MYCN: variants seen among roughly 807,000 people sequenced by gnomAD.
MYCN encodes N-myc proto-oncogene protein.
In MYCN, 3 loss-of-function variants were observed where a neutral mutation model predicts 28.1. That is an observed-to-expected ratio of 0.11 (90% CI 0.05 to 0.28). MYCN has a LOEUF of 0.28. Ranked by LOEUF, MYCN falls within the 10% of genes least tolerant of loss-of-function variation. MYCN has a pLI of 1.00. For missense variants in MYCN, 572 were observed against 651.4 expected (o/e 0.88, Z 1.33); for synonymous variants, 326 against 288.3 (o/e 1.13, Z -1.32).
chr2:15,942,498 C>A lies in MYCN; in HGVS notation c.434C>A (p.Ser145Tyr). The change falls in exon 2 of 3, where the codon TCC becomes TAC. Residue 145 changes from serine to tyrosine, a missense_variant. Ser to Tyr is a moderately radical substitution (Grantham distance 144). This residue lies in a region of MYCN where 499 missense variants were observed against 524.3 expected (regional missense o/e 0.95). Coordinates refer to ENST00000281043, the MANE Select transcript of MYCN (RefSeq NM_005378.6). This position sits in a 1 kb window ranked among gnomAD's most constrained non-coding sequence, Gnocchi z 7.0. ...QHGRGPPTAGSTAQSPGAGAA... is the reference protein window; with the variant it reads ...QHGRGPPTAGYTAQSPGAGAA... ...GGCCGCGGGCCGCCAACCGCCGGTTCCACCGCCCAGTCCCCGGGAGCCGGC... is the reference window on the plus strand; with the variant it reads ...GGCCGCGGGCCGCCAACCGCCGGTTACACCGCCCAGTCCCCGGGAGCCGGC... The A allele has an allele frequency of 6.5e-7, 1 of 1,545,318 alleles. No homozygotes were observed. The highest frequency in any genetic ancestry group is 2.1e-4 in the Middle Eastern group (1 of 4,694).
At position 15,942,458 on chromosome 2, in the gene MYCN, G is replaced by A. The variant is rs775268500; in HGVS notation, c.394G>A (p.Glu132Lys). The change falls in exon 2 of 3, where the codon GAG becomes AAG. Residue 132 changes from glutamate to lysine, a missense_variant. Coordinates refer to ENST00000281043, the MANE Select transcript of MYCN (RefSeq NM_005378.6). The surrounding 1 kb of genome is among the most constrained non-coding windows in gnomAD (Gnocchi z 7.0). ...AREKLERAVS[E>K]KLQHGRGPPT... ...CGAGAAGCTGGAGCGCGCCGTGAGC[G>A]AGAAGCTGCAGCACGGCCGCGGGCC... The A allele has an allele frequency of 2.0e-5, 32 of 1,591,976 alleles. No homozygotes were observed. Among genetic ancestry groups the A allele is most frequent in the Non-Finnish European group, 2.6e-5 (30 of 1,175,890 alleles).
Position 15,942,157 on chromosome 2 carries a change from C to G in MYCN, c.93C>G (p.Asp31Glu), listed in dbSNP as rs1339230115. Residue 31 changes from aspartate to glutamate, a missense_variant, in exon 2 of 3, where the codon GAC becomes GAG. Physicochemically the swap from Asp to Glu is conservative, Grantham distance 45. Around this residue, in one of 3 missense-constraint regions of MYCN, gnomAD observed 499 missense variants for 524.3 expected, o/e 0.95. Coordinates refer to ENST00000281043, the MANE Select transcript of MYCN (RefSeq NM_005378.6). The surrounding 1 kb of genome is among the most constrained non-coding windows in gnomAD (Gnocchi z 7.0). ...FDSLQPCFYP[D>E]EDDFYFGGPD... Reference sequence around the variant, plus strand: ...CGCTACAGCCCTGCTTCTACCCGGACGAAGATGACTTCTACTTCGGCGGCC... The same window carrying G: ...CGCTACAGCCCTGCTTCTACCCGGAGGAAGATGACTTCTACTTCGGCGGCC... The G allele has an allele frequency of 6.2e-7, 1 of 1,613,912 alleles. No individual in the cohort carries two copies. The highest frequency in any genetic ancestry group is 1.3e-5 in the African/African-American group (1 of 75,050).
At position 15,946,571 on chromosome 2, in the gene MYCN, G is replaced by C; in HGVS notation, c.*474G>C. The C allele has an allele frequency of 3.0e-6, 1 of 331,560 alleles. No individual in the cohort carries two copies. Among genetic ancestry groups the C allele is most frequent in the Non-Finnish European group, 5.7e-6 (1 of 176,896 alleles). The allele number at this position is 331,560 out of a possible 1,614,324, so 20.5% of individuals were successfully genotyped here. On this transcript the variant is annotated 3_prime_UTR_variant, in exon 3 of 3. Coordinates refer to ENST00000281043, the MANE Select transcript of MYCN (RefSeq NM_005378.6). The stretch of plus-strand genomic sequence containing the variant: ...GAGGTGGCTTTTGCGGCCAGTATTA[G>C]ACTGGAAGTTCATACCTAAGTACTG...
In MYCN at chr2:15,942,887, TG is replaced by T; in HGVS notation, c.790+37del. The T allele has an allele frequency of 1.3e-6, 2 of 1,562,332 alleles. No homozygotes were observed. The highest frequency in any genetic ancestry group is 8.6e-7 in the Non-Finnish European group (1 of 1,159,284). On this transcript the variant is annotated intron_variant, in intron 2 of 2. Transcript: ENST00000281043. This position sits in a 1 kb window ranked among gnomAD's most constrained non-coding sequence, Gnocchi z 7.0. ...CCGAACTCGGGTCCGGCTGCCTCCC[TG>T]GGGCACTGGACCCCGGGTCGCGTCC...
rs754518779 is a variant in MYCN at position 15,941,254 on chromosome 2, T to A, written c.-118+511T>A. 2 of 152,588 alleles carry A rather than the reference T, an allele frequency of 1.3e-5. No homozygotes were observed. Among genetic ancestry groups the A allele is most frequent in the African/African-American group, 4.8e-5 (2 of 41,484 alleles). The allele number at this position is 152,588 out of a possible 1,614,324, so 9.5% of individuals were successfully genotyped here. ...CGGGAACAGGGGCTCAGCCTCTCCC[T>A]CCCTGGAAGAGGACGTTGTCGTGGG... On this transcript the variant is annotated intron_variant, in intron 1 of 2. Transcript: ENST00000281043. This position sits in a 1 kb window ranked among gnomAD's most constrained non-coding sequence, Gnocchi z 4.8.
Position 15,942,729 on chromosome 2 carries a change from G to A in MYCN, c.665G>A (p.Gly222Glu), listed in dbSNP as rs1470924514. 9.3e-6 allele frequency: 12 copies of A among 1,284,074 alleles called. No individual in the cohort carries two copies. Among genetic ancestry groups the A allele is most frequent in the Admixed American group, 3.6e-5 (1 of 27,890 alleles). 79.5% of individuals were successfully genotyped at this position (1,284,074 alleles called of 1,614,324 possible). A position where few individuals can be genotyped will look rare whatever the true frequency, so the allele number is the denominator to read the frequency against. The change falls in exon 2 of 3, where the codon GGG (glycine) becomes GAG (glutamate). Residue 222 changes from glycine to glutamate, a missense_variant. This residue lies in a region of MYCN where 499 missense variants were observed against 524.3 expected (regional missense o/e 0.95). Coordinates refer to ENST00000281043, the MANE Select transcript of MYCN (RefSeq NM_005378.6). The surrounding 1 kb of genome is among the most constrained non-coding windows in gnomAD (Gnocchi z 7.0). ...APAAGPAVAS[G>E]AGIAAPAGAP... ...GCGGCGGGCCCTGCGGTCGCCTCGG[G>A]GGCGGGTATTGCCGCCCCAGCCGGG...
chr2:15,942,735 G>A lies in MYCN; in HGVS notation c.671G>A (p.Gly224Asp). 2 of 1,328,174 alleles carry A rather than the reference G, an allele frequency of 1.5e-6. No homozygotes were observed. Among genetic ancestry groups the A allele is most frequent in the Non-Finnish European group, 1.9e-6 (2 of 1,038,500 alleles). The allele number at this position is 1,328,174 out of a possible 1,614,324, so 82.3% of individuals were successfully genotyped here. Residue 224 changes from glycine (G) to aspartate (D), a missense_variant, in exon 2 of 3, where the codon GGT becomes GAT. Around this residue, in one of 3 missense-constraint regions of MYCN, gnomAD observed 499 missense variants for 524.3 expected, o/e 0.95. Transcript: ENST00000281043. The surrounding 1 kb of genome is among the most constrained non-coding windows in gnomAD (Gnocchi z 7.0). ...GGCCCTGCGGTCGCCTCGGGGGCGGGTATTGCCGCCCCAGCCGGGGCCCCG... is the reference window on the plus strand; with the variant it reads ...GGCCCTGCGGTCGCCTCGGGGGCGGATATTGCCGCCCCAGCCGGGGCCCCG... Reference protein sequence around the residue: ...AAGPAVASGAGIAAPAGAPGV... With the variant: ...AAGPAVASGADIAAPAGAPGV...
In MYCN at chr2:15,942,761, G is replaced by T; in HGVS notation, c.697G>T (p.Gly233Trp). The T allele has an allele frequency of 7.0e-7, 1 of 1,428,858 alleles. No individual in the cohort carries two copies. The highest frequency in any genetic ancestry group is 9.2e-7 in the Non-Finnish European group (1 of 1,089,876). 88.5% of individuals were successfully genotyped at this position (1,428,858 alleles called of 1,614,324 possible). A position where few individuals can be genotyped will look rare whatever the true frequency, so the allele number is the denominator to read the frequency against. ...TATTGCCGCCCCAGCCGGGGCCCCGGGGGTCGCCCCTCCGCGCCCAGGCGG... is the reference window on the plus strand; with the variant it reads ...TATTGCCGCCCCAGCCGGGGCCCCGTGGGTCGCCCCTCCGCGCCCAGGCGG... ...AGIAAPAGAPGVAPPRPGGRQ... is the reference protein window; with the variant it reads ...AGIAAPAGAPWVAPPRPGGRQ... Residue 233 changes from glycine (G) to tryptophan (W), a missense_variant, in exon 2 of 3, where the codon GGG becomes TGG. Around this residue, in one of 3 missense-constraint regions of MYCN, gnomAD observed 499 missense variants for 524.3 expected, o/e 0.95. Coordinates refer to ENST00000281043, the MANE Select transcript of MYCN (RefSeq NM_005378.6). This position sits in a 1 kb window ranked among gnomAD's most constrained non-coding sequence, Gnocchi z 7.0.
chr2:15,945,978 G>A lies in MYCN; in HGVS notation c.1276G>A (p.Ala426Thr), dbSNP rs750750877. ...KAAKVVILKKATEYVHSLQAE... is the reference protein window; with the variant it reads ...KAAKVVILKKTTEYVHSLQAE... ...CGCCAAGGTGGTCATTTTGAAAAAG[G>A]CCACTGAGTATGTCCACTCCCTCCA... Residue 426 changes from alanine to threonine, a missense_variant, in exon 3 of 3, where the codon GCC becomes ACC. Physicochemically the swap from Ala to Thr is moderately conservative, Grantham distance 58. This residue lies in a region of MYCN where 61 missense variants were observed against 81.6 expected (regional missense o/e 0.75). Coordinates refer to ENST00000281043, the MANE Select transcript of MYCN (RefSeq NM_005378.6). The surrounding 1 kb of genome is among the most constrained non-coding windows in gnomAD (Gnocchi z 4.8). 1.2e-6 allele frequency: 2 copies of A among 1,614,040 alleles called. No homozygotes were observed. The highest frequency in any genetic ancestry group is 1.7e-5 in the Admixed American group (1 of 60,006).
At position 15,941,982 on chromosome 2, in the gene MYCN, C is replaced by T; in HGVS notation, c.-83C>T. ...TCGGCGCCGGCCCCCGCCTTCCGCGCCCCCCACGGGAAGGAAGCACCCCCG... is the reference window on the plus strand; with the variant it reads ...TCGGCGCCGGCCCCCGCCTTCCGCGTCCCCCACGGGAAGGAAGCACCCCCG... On this transcript the variant is annotated 5_prime_UTR_variant, in exon 2 of 3. Coordinates refer to ENST00000281043, the MANE Select transcript of MYCN (RefSeq NM_005378.6). The surrounding 1 kb of genome is among the most constrained non-coding windows in gnomAD (Gnocchi z 4.8). 1 of 1,552,318 alleles carries T rather than the reference C, an allele frequency of 6.4e-7. No homozygotes were observed.
Position 15,946,136 on chromosome 2 carries a change from A to G in MYCN, c.*39A>G, listed in dbSNP as rs1486169668. ...CTGGACAGTCACTGCCACTTTGCACATTTTGATTTTTTTTTTAAACAAACA... is the reference window on the plus strand; with the variant it reads ...CTGGACAGTCACTGCCACTTTGCACGTTTTGATTTTTTTTTTAAACAAACA... On this transcript the variant is annotated 3_prime_UTR_variant, in exon 3 of 3. Transcript: ENST00000281043. 1.2e-6 allele frequency: 2 copies of G among 1,613,572 alleles called. No individual in the cohort carries two copies. Among genetic ancestry groups the G allele is most frequent in the Non-Finnish European group, 1.7e-6 (2 of 1,179,958 alleles).
In MYCN at chr2:15,941,537, C is replaced by T; in HGVS notation, c.-117-411C>T. 5.1e-6 allele frequency: 1 copy of T among 194,964 alleles called. No individual in the cohort carries two copies. The highest frequency in any genetic ancestry group is 9.9e-5 in the East Asian group (1 of 10,100). The allele number at this position is 194,964 out of a possible 1,614,324, so 12.1% of individuals were successfully genotyped here. A position where few individuals can be genotyped will look rare whatever the true frequency, so the allele number is the denominator to read the frequency against. On this transcript the variant is annotated intron_variant, in intron 1 of 2. Transcript: ENST00000281043. The surrounding 1 kb of genome is among the most constrained non-coding windows in gnomAD (Gnocchi z 4.8). ...GTAGAAGGTACTCCAAATACCATTC[C>T]CGGTAGCTGGGTCGGAGAGCCTGGG...
chr2:15,942,589 G>A lies in MYCN; in HGVS notation c.525G>A (p.Leu175=). 9.4e-7 allele frequency: 1 copy of A among 1,069,088 alleles called. No homozygotes were observed. Among genetic ancestry groups the A allele is most frequent in the Non-Finnish European group, 1.1e-6 (1 of 886,294 alleles). 66.2% of individuals were successfully genotyped at this position (1,069,088 alleles called of 1,614,324 possible). A position where few individuals can be genotyped will look rare whatever the true frequency, so the allele number is the denominator to read the frequency against. Residue 175 remains leucine (L), a synonymous_variant, in exon 2 of 3, where the codon CTG becomes CTA. Coordinates refer to ENST00000281043, the MANE Select transcript of MYCN (RefSeq NM_005378.6). The surrounding 1 kb of genome is among the most constrained non-coding windows in gnomAD (Gnocchi z 7.0). ...GAGCCGGCCGCGCCGGGGCCGCCCT[G>A]CCCGCCGAGCTCGCCCACCCGGCCG... The part of the protein sequence containing the change: ...AAGAGRAGAA[L]PAELAHPAAE...
chr2:15,943,200 TGGGGGTTTA>T (rs1021264429), intron 2 of MYCN, among the ~76,000 whole-genome samples: 1 of 151,476 alleles, frequency 6.6e-6, no homozygotes, highest in African/African-American at 2.4e-5. Flanking sequence ...CTAAACCGGG[TGGGGGTTTA>T]GGGGGTTGCT....
rs779206813 is a variant in MYCN at position 15,942,193 on chromosome 2, C to A, written c.129C>A (p.Thr43=). The A allele has an allele frequency of 6.4e-5, 104 of 1,613,714 alleles. 1 individual carries two copies. The East Asian group carries it at 2.0e-3, about 30-fold the overall frequency. ...TCTACTTCGGCGGCCCCGACTCGAC[C>A]CCCCCGGGGGAGGACATCTGGAAGA... ...DDFYFGGPDS[T]PPGEDIWKKF... is the part of the protein sequence containing the mutation. Residue 43 remains threonine, a synonymous_variant, in exon 2 of 3, where the codon ACC becomes ACA. Coordinates refer to ENST00000281043, the MANE Select transcript of MYCN (RefSeq NM_005378.6). This position sits in a 1 kb window ranked among gnomAD's most constrained non-coding sequence, Gnocchi z 7.0.
rs1044109140 is a variant in MYCN at position 15,946,160 on chromosome 2, C to T, written c.*63C>T. On this transcript the variant is annotated 3_prime_UTR_variant, in exon 3 of 3. Coordinates refer to ENST00000281043, the MANE Select transcript of MYCN (RefSeq NM_005378.6). ...CATTTTGATTTTTTTTTTAAACAAA[C>T]ATTGTGTTGACATTAAGAATGTTGG... The T allele has an allele frequency of 6.2e-7, 1 of 1,610,178 alleles. No homozygotes were observed. The highest frequency in any genetic ancestry group is 8.5e-7 in the Non-Finnish European group (1 of 1,177,504).
Position 15,942,642 on chromosome 2 carries a change from TC to T in MYCN, c.582del (p.Val197Ter). 8.7e-7 allele frequency: 1 copy of T among 1,153,598 alleles called. No individual in the cohort carries two copies. Among genetic ancestry groups the T allele is most frequent in the Non-Finnish European group, 1.1e-6 (1 of 935,322 alleles). 71.5% of individuals were successfully genotyped at this position (1,153,598 alleles called of 1,614,324 possible). On this transcript the variant is annotated frameshift_variant, in exon 2 of 3. Transcript: ENST00000281043. LOFTEE classifies it high-confidence loss of function. The surrounding 1 kb of genome is among the most constrained non-coding windows in gnomAD (Gnocchi z 7.0). ...GAGTGCGTGGATCCCGCCGTGGTCTTCCCCTTTCCCGTGAACAAGCGCGAGC... is the reference window on the plus strand; with the variant it reads ...GAGTGCGTGGATCCCGCCGTGGTCTTCCCTTTCCCGTGAACAAGCGCGAGC... The part of the protein sequence containing the change: ...AAECVDPAVV[F>X]PFPVNKREPA...
rs1421384102 is a variant in MYCN at position 15,942,840 on chromosome 2, C to T, written c.776C>T (p.Thr259Ile). The change falls in exon 2 of 3, where the codon ACC becomes ATC. Residue 259 changes from threonine to isoleucine, a missense_variant. By Grantham distance (89) the Thr-to-Ile change is moderately conservative. This residue lies in a region of MYCN where 499 missense variants were observed against 524.3 expected (regional missense o/e 0.95). Transcript: ENST00000281043. The surrounding 1 kb of genome is among the most constrained non-coding windows in gnomAD (Gnocchi z 7.0). ...GCCCTCAGTACCTCCGGAGAGGACA[C>T]CCTGAGCGATTCAGGTAAAGACCGA... The part of the protein sequence containing the change: ...HKALSTSGED[T>I]LSDSDDEDDE... 1.9e-6 allele frequency: 3 copies of T among 1,585,812 alleles called. No homozygotes were observed. Among genetic ancestry groups the T allele is most frequent in the South Asian group, 1.1e-5 (1 of 89,010 alleles).
intron 2 of MYCN, among the ~76,000 whole-genome samples, chr2:15,943,151 C>T (rs914093170): frequency 1.3e-5 from 2 of 152,176 alleles, no homozygotes; most frequent in African/African-American, 4.8e-5. Context: ...CTCTCTTTTG[C>T]AGCGCAGTCT....
Sources: allele counts gnomAD v4.1 joint callset (sites outside exome capture counted in the v4.1 genomes callset), GRCh38; gene constraint gnomAD v4.1.1; regional missense constraint gnomAD v4.1.1; non-coding constraint Gnocchi (gnomAD v3.1); transcripts MANE v1.5; gene names NCBI Gene and HGNC (gene_info 2026-07-23, HGNC 2026-07-21).